Variants in ABCA13 observed in about 807,000 individuals in gnomAD.
The protein encoded by ABCA13 is ATP-binding cassette sub-family A member 13.
ABCA13 carries 476 observed loss-of-function variants against 478.7 expected under a neutral mutation model. The observed-to-expected ratio is 0.99, with a 90% CI of 0.92 to 1.07. The LOEUF (loss-of-function observed/expected upper bound fraction) is 1.07. Ranked by LOEUF, ABCA13 falls within the 50% of genes least tolerant of loss-of-function variation. ABCA13 has a pLI of 0.00. For synonymous variants in ABCA13, 2,252 were observed against 2,158.9 expected (o/e 1.04, Z -1.20); for missense variants, 6,060 against 5,910.6 (o/e 1.03, Z -0.83).
At chr7:48,456,059 A>G (rs897030800) in intron 43 of ABCA13, among the ~76,000 whole-genome samples, 3 of 152,248 alleles carry the variant, frequency 2.0e-5, no homozygotes, top group African/African-American at 7.2e-5. Context: ...TACATTGAAC[A>G]TGCAAAATCG....
intron 59 of ABCA13, among the ~76,000 whole-genome samples, chr7:48,633,985 A>G (rs977582811): frequency 6.5e-4 from 89 of 136,506 alleles, no homozygotes; most frequent in African/African-American, 2.1e-3. Flanking sequence ...GATAGATGAC[A>G]GAGAGATGTA....
At chr7:48,405,044 G>A (rs1349137740) in intron 39 of ABCA13, among the ~76,000 whole-genome samples, 1 of 152,238 alleles carries the variant, frequency 6.6e-6, no homozygotes, top group Non-Finnish European at 1.5e-5. Context: ...AGTTCACGAG[G>A]CTCAGCAGAA....
intron 38 of ABCA13, among the ~76,000 whole-genome samples, chr7:48,403,390 A>G (rs1817864161): frequency 6.6e-6 from 1 of 152,198 alleles, no homozygotes; most frequent in Non-Finnish European, 1.5e-5. Flanking sequence ...TATGAGTGAA[A>G]TGAGAGACAT....
At chr7:48,301,675 T>C (rs7788071) in intron 23 of ABCA13, among the ~76,000 whole-genome samples, 108,548 of 151,938 alleles carry the variant, frequency 0.71, 39,736 homozygotes, top group East Asian at 0.96. Context: ...TTCCTAGGCC[T>C]TAGACTGCTT....
At chr7:48,309,868 C>T (rs754287476) in intron 23 of ABCA13, 79 bp from the exon 24 acceptor site, 62 of 1,526,620 alleles carry the variant, frequency 4.1e-5, no homozygotes, top group Middle Eastern at 3.6e-4. Flanking sequence ...GACTCCCTGC[C>T]GATGAAGCTC....
intron 28 of ABCA13, among the ~76,000 whole-genome samples, chr7:48,336,393 A>AAGGAAG (rs1806269172): frequency 6.6e-6 from 1 of 152,216 alleles, no homozygotes; most frequent in Non-Finnish European, 1.5e-5. Context: ...CTGCTGAGGA[A>AAGGAAG]AGGAAGAGGA....
Position 48,547,899 on chromosome 7 carries a change from A to G in ABCA13, c.14354+19554A>G, listed in dbSNP as rs6583449. Among the ~76,000 whole-genome samples the G allele has an allele frequency of 6.1e-3, 934 of 151,960 alleles. 16 individuals are homozygous for G. Among genetic ancestry groups the G allele is most frequent in the African/African-American group, 0.021 (890 of 41,524 alleles). ...AATAAATGCATCTTCAACTTACAGT[A>G]TTTTAAACTTACAATAGGTTTATTG... is the stretch of plus-strand genomic sequence containing the variant. On this transcript the variant is annotated intron_variant, in intron 55 of 61. Coordinates refer to ENST00000435803, the MANE Select transcript of ABCA13 (RefSeq NM_152701.5).
At chr7:48,242,741 C>T (rs547030587) in intron 10 of ABCA13, among the ~76,000 whole-genome samples, 2 of 152,302 alleles carry the variant, frequency 1.3e-5, no homozygotes, top group Non-Finnish European at 1.5e-5. Flanking sequence ...AGCTGGCCAC[C>T]TTCAGCCTTA....
At chr7:48,206,100 T>G (rs1784888356) in intron 3 of ABCA13, among the ~76,000 whole-genome samples, 1 of 152,212 alleles carries the variant, frequency 6.6e-6, no homozygotes, top group Non-Finnish European at 1.5e-5. Flanking sequence ...ATTTGCCTTT[T>G]CTAAATTTTA....
chr7:48,362,773 A>G lies in ABCA13; in HGVS notation c.10689-5021A>G, dbSNP rs547488116. ...TTAAAATATGTTCTCTTATTTCATC[A>G]TATATTTTCTCTTGTCCATCATGCA... is the stretch of plus-strand genomic sequence containing the variant. On this transcript the variant is annotated intron_variant, in intron 31 of 61. Coordinates refer to ENST00000435803, the MANE Select transcript of ABCA13 (RefSeq NM_152701.5). Among the ~76,000 whole-genome samples the G allele has an allele frequency of 6.6e-5, 10 of 151,986 alleles. No individual in the cohort carries two copies. The South Asian group carries it at 2.1e-3, about 32-fold the overall frequency.
chr7:48,436,117 T>G (rs1822797553), intron 42 of ABCA13, among the ~76,000 whole-genome samples: 1 of 151,710 alleles, frequency 6.6e-6, no homozygotes. Flanking sequence ...TTTATAGGTT[T>G]GGTAGAATTT....
Position 48,471,596 on chromosome 7 carries a change from C to G in ABCA13, c.12972C>G (p.Cys4324Trp). 6.4e-7 allele frequency: 1 copy of G among 1,561,204 alleles called. No individual in the cohort carries two copies. Among genetic ancestry groups the G allele is most frequent in the Non-Finnish European group, 8.7e-7 (1 of 1,150,934 alleles). ...SHPEFQDSCG[C>W]LKCPNRSASA... The stretch of plus-strand genomic sequence containing the variant: ...CAGAATTCCAGGATTCATGTGGCTG[C>G]CTGGTAGGTTTCTGCAGCATTTTTG... Residue 4324 changes from cysteine to tryptophan, a missense_variant, in exon 45 of 62, where the codon TGC (cysteine) becomes TGG (tryptophan). This residue lies in a region of ABCA13 where 1,627 missense variants were observed against 1,571.0 expected (regional missense o/e 1.04). Transcript: ENST00000435803.
At chr7:48,499,611 C>T (rs1830564760) in intron 48 of ABCA13, among the ~76,000 whole-genome samples, 1 of 152,204 alleles carries the variant, frequency 6.6e-6, no homozygotes, top group Non-Finnish European at 1.5e-5. Context: ...TACATTCATA[C>T]ATTGCTGTGG....
Position 48,298,498 on chromosome 7 carries a change from G to T in ABCA13, c.9321+11G>T. On this transcript the variant is annotated intron_variant, in intron 23 of 61. Coordinates refer to ENST00000435803, the MANE Select transcript of ABCA13 (RefSeq NM_152701.5). Reference sequence around the variant, plus strand: ...ATTTCCCACTCCAAGGTGTGGTGCTGTTTCTTGTCTGTCTGTTTTGCTCAT... The same window carrying T: ...ATTTCCCACTCCAAGGTGTGGTGCTTTTTCTTGTCTGTCTGTTTTGCTCAT... 6.2e-7 allele frequency: 1 copy of T among 1,606,704 alleles called. No homozygotes were observed. The highest frequency in any genetic ancestry group is 1.1e-5 in the South Asian group (1 of 88,996).
intron 48 of ABCA13, among the ~76,000 whole-genome samples, chr7:48,501,887 A>T (rs1830783829): frequency 6.6e-6 from 1 of 152,122 alleles, no homozygotes; most frequent in African/African-American, 2.4e-5. Flanking sequence ...AGAGACACAT[A>T]CCTGTGACTC....
chr7:48,445,808 G>A (rs1824221266), intron 42 of ABCA13, among the ~76,000 whole-genome samples: 1 of 152,076 alleles, frequency 6.6e-6, no homozygotes, highest in South Asian at 2.1e-4. Context: ...GGCAGGGAAT[G>A]CAGTGTCTGT....
intron 31 of ABCA13, among the ~76,000 whole-genome samples, chr7:48,358,486 A>T (rs1810319341): frequency 6.6e-6 from 1 of 152,016 alleles, no homozygotes; most frequent in Non-Finnish European, 1.5e-5. Context: ...GCCAAATTCC[A>T]AAACACCCTC....
At chr7:48,254,386 C>G (rs1199739226) in intron 15 of ABCA13, among the ~76,000 whole-genome samples, 1 of 152,018 alleles carries the variant, frequency 6.6e-6, no homozygotes, top group African/African-American at 2.4e-5. Context: ...GTCTCAGTCT[C>G]CCAAGTAGCT....
intron 58 of ABCA13, among the ~76,000 whole-genome samples, chr7:48,607,938 C>T (rs1791637162): frequency 2.0e-5 from 3 of 152,128 alleles, no homozygotes; most frequent in Admixed American, 6.6e-5. Flanking sequence ...TGGAGTACAG[C>T]AATGCAATCT....
Sources: gnomAD v4.1 joint callset for allele counts (sites outside exome capture counted in the v4.1 genomes callset) on GRCh38, gnomAD v4.1.1 for gene constraint, gnomAD v4.1.1 regional missense constraint, MANE v1.5 for transcripts, NCBI Gene and HGNC (gene_info 2026-07-23, HGNC 2026-07-21) for gene names.